The following ACER3 variants were observed in gnomAD, a reference collection of about 807,000 sequenced individuals.
ACER3 encodes alkaline ceramidase 3.
In ACER3, 16 loss-of-function variants were observed where a neutral mutation model predicts 48.9. The observed-to-expected ratio is 0.33, with a 90% CI of 0.22 to 0.50. The LOEUF (loss-of-function observed/expected upper bound fraction) is 0.50. ACER3 is among the 20% of genes least tolerant of loss of function. The pLI, the probability that ACER3 is intolerant of heterozygous loss-of-function variation, is 0.98. For missense variants in ACER3, 227 were observed against 326.0 expected (o/e 0.70, Z 2.34); for synonymous variants, 109 against 107.8 (o/e 1.01, Z -0.07).
chr11:76,933,184 A>G (rs1279633966), intron 2 of ACER3, among the ~76,000 whole-genome samples: 1 of 147,314 alleles, frequency 6.8e-6, no homozygotes, highest in African/African-American at 2.4e-5. Context: ...ATATATATAT[A>G]TATATATATG....
chr11:76,924,967 C>A (rs1946781212), intron 1 of ACER3, among the ~76,000 whole-genome samples: 3 of 40,028 alleles, frequency 7.5e-5, no homozygotes, highest in Non-Finnish European at 4.8e-5. Flanking sequence ...CAGAGGAAGA[C>A]TCTGTCAAAA....
intron 7 of ACER3, among the ~76,000 whole-genome samples, chr11:77,005,992 T>TGTACATATATATATA (rs1491403985): frequency 2.8e-5 from 2 of 70,588 alleles, no homozygotes; most frequent in South Asian, 1.0e-3. Context: ...TATATATATA[T>TGTACATATATATATA]TTTTTTTTTT....
intron 1 of ACER3, among the ~76,000 whole-genome samples, chr11:76,902,719 G>C (rs1177746263): frequency 6.6e-6 from 1 of 152,198 alleles, no homozygotes. Flanking sequence ...AACCACAAGA[G>C]ATCACTTTTT....
chr11:76,878,344 T>C (rs1945437406), intron 1 of ACER3, among the ~76,000 whole-genome samples: 1 of 152,086 alleles, frequency 6.6e-6, no homozygotes, highest in African/African-American at 2.4e-5. Flanking sequence ...TTTGGTCTCA[T>C]GACCCCTTTA....
intron 2 of ACER3, among the ~76,000 whole-genome samples, chr11:76,945,799 G>A (rs1366016241): frequency 6.6e-6 from 1 of 152,190 alleles, no homozygotes; most frequent in Non-Finnish European, 1.5e-5. Flanking sequence ...AGTGGTAGTG[G>A]AGCAATCCAC....
chr11:77,004,104 C>G (rs1267988462), intron 7 of ACER3, among the ~76,000 whole-genome samples: 3 of 152,164 alleles, frequency 2.0e-5, no homozygotes, highest in African/African-American at 7.2e-5. Flanking sequence ...TCAGTGTTCC[C>G]CATGACTACC....
intron 3 of ACER3, among the ~76,000 whole-genome samples, chr11:76,973,714 C>CA (rs1018710236): frequency 2.6e-5 from 4 of 151,734 alleles, no homozygotes; most frequent in African/African-American, 4.8e-5. Flanking sequence ...TCCTTTGATG[C>CA]AAAAAAAGTT....
chr11:76,883,061 G>C (rs1405121143), intron 1 of ACER3, among the ~76,000 whole-genome samples: 2 of 151,956 alleles, frequency 1.3e-5, no homozygotes, highest in Non-Finnish European at 2.9e-5. Flanking sequence ...TGTTTCTTAT[G>C]TACTGTGTCA....
chr11:76,950,387 A>T (rs1378661197), intron 2 of ACER3, among the ~76,000 whole-genome samples: 6 of 28,510 alleles, frequency 2.1e-4, no homozygotes, highest in African/African-American at 6.1e-4. Context: ...ATATATATAT[A>T]TATATATATA....
At chr11:76,873,140 G>A (rs969792260) in intron 1 of ACER3, among the ~76,000 whole-genome samples, 8 of 151,648 alleles carry the variant, frequency 5.3e-5, no homozygotes, top group African/African-American at 1.2e-4. Context: ...GGCTGGTCTC[G>A]AACTCCTGGC....
In ACER3 at chr11:77,022,530, A is replaced by C. The variant is rs549705308; in HGVS notation, c.*2203A>C. The C allele has an allele frequency of 1.3e-5, 2 of 152,350 alleles. No homozygotes were observed. Among genetic ancestry groups the C allele is most frequent in the South Asian group, 2.1e-4 (1 of 4,824 alleles). The allele number at this position is 152,350 out of a possible 1,614,324, so 9.4% of individuals were successfully genotyped here. A position where few individuals can be genotyped will look rare whatever the true frequency, so the allele number is the denominator to read the frequency against. On this transcript the variant is annotated 3_prime_UTR_variant, in exon 11 of 11. Transcript: ENST00000532485. ...GCTCTCTTTTTAGCTACTAAGTAAC[A>C]TACTCAAGACTTTGTATCTGTGCAG... is the stretch of plus-strand genomic sequence containing the variant.
At chr11:77,005,201 T>C (rs1949109984) in intron 7 of ACER3, among the ~76,000 whole-genome samples, 1 of 152,088 alleles carries the variant, frequency 6.6e-6, no homozygotes, top group African/African-American at 2.4e-5. Flanking sequence ...CGCACCCGGC[T>C]AATTTTTTGT....
intron 2 of ACER3, among the ~76,000 whole-genome samples, chr11:76,954,936 C>T (rs1362511967): frequency 6.6e-6 from 1 of 152,098 alleles, no homozygotes; most frequent in Non-Finnish European, 1.5e-5. Context: ...GTTTAAAGTT[C>T]TGAGACAGGA....
At chr11:77,006,455 A>T (rs1949152308) in intron 7 of ACER3, among the ~76,000 whole-genome samples, 1 of 151,940 alleles carries the variant, frequency 6.6e-6, no homozygotes, top group Non-Finnish European at 1.5e-5. Context: ...ATGTTCCATG[A>T]TCCCTTTTTT....
rs1335790046 is a variant in ACER3, at chr11:76,926,579, C to A, written c.126C>A (p.Ile42=). 1 of 1,606,718 alleles carries A rather than the reference C, an allele frequency of 6.2e-7. No individual in the cohort carries two copies. Among genetic ancestry groups the A allele is most frequent in the Non-Finnish European group, 8.5e-7 (1 of 1,173,964 alleles). The stretch of plus-strand genomic sequence containing the variant: ...AAGGGAATACAGTGAGTAACCTGAT[C>A]ATGATTATACCTCCAATGTTCGGTG... ...AEFWNTVSNL[I]MIIPPMFGAV... Residue 42 remains isoleucine, a synonymous_variant, in exon 2 of 11, where the codon ATC becomes ATA. Coordinates refer to ENST00000532485, the MANE Select transcript of ACER3 (RefSeq NM_018367.7).
intron 1 of ACER3, among the ~76,000 whole-genome samples, chr11:76,870,644 T>C (rs563660809): frequency 3.9e-5 from 6 of 152,218 alleles, no homozygotes; most frequent in Non-Finnish European, 7.3e-5. Flanking sequence ...GCCATGAATT[T>C]ATTGTCACTC....
At chr11:76,982,954 G>A (rs952625913) in intron 4 of ACER3, among the ~76,000 whole-genome samples, 5 of 152,090 alleles carry the variant, frequency 3.3e-5, no homozygotes, top group African/African-American at 7.2e-5. Context: ...TGATCACTGC[G>A]TGTATCCTCA....
chr11:76,938,693 C>T (rs560522185), intron 2 of ACER3, among the ~76,000 whole-genome samples: 3 of 152,038 alleles, frequency 2.0e-5, no homozygotes, highest in East Asian at 1.9e-4. Context: ...TTTGGATGAG[C>T]GAAGGCAAGG....
chr11:76,982,218 C>CTT (rs142556459), intron 4 of ACER3, among the ~76,000 whole-genome samples: 98 of 135,184 alleles, frequency 7.2e-4, no homozygotes, highest in African/African-American at 1.3e-3. Flanking sequence ...AACCTTTTTC[C>CTT]TTTTTTTTTT....
Sources: gnomAD v4.1 joint callset for allele counts (sites outside exome capture counted in the v4.1 genomes callset) on GRCh38, gnomAD v4.1.1 for gene constraint, MANE v1.5 for transcripts, NCBI Gene and HGNC (gene_info 2026-07-23, HGNC 2026-07-21) for gene names.